The following NCKAP5 variants were observed in gnomAD, a reference collection of about 807,000 sequenced individuals.
The protein encoded by NCKAP5 is nck-associated protein 5.
Under a neutral mutation model 167.0 loss-of-function variants are expected in NCKAP5, and 92 were observed. That is an observed-to-expected ratio of 0.55 (90% CI 0.47 to 0.66). NCKAP5 has a LOEUF of 0.66. NCKAP5 is among the 30% of genes least tolerant of loss of function. The pLI, the probability that NCKAP5 is intolerant of heterozygous loss-of-function variation, is 0.00. For synonymous variants in NCKAP5, 891 were observed against 877.4 expected (o/e 1.02, Z -0.27); for missense variants, 2,378 against 2,315.0 (o/e 1.03, Z -0.56).
chr2:132,765,400 T>C (rs978812439), intron 16 of NCKAP5, among the ~76,000 whole-genome samples: 3 of 150,518 alleles, frequency 2.0e-5, no homozygotes, highest in Non-Finnish European at 4.4e-5. Flanking sequence ...CTGCAATCTC[T>C]GCCTCCGGGG....
At chr2:133,459,328 C>T (rs1692056585) in intron 3 of NCKAP5, among the ~76,000 whole-genome samples, 1 of 152,118 alleles carries the variant, frequency 6.6e-6, no homozygotes, top group African/African-American at 2.4e-5. Context: ...GTGTGAACCA[C>T]CACATTTCGC....
chr2:132,804,465 T>C (rs1685279009), intron 11 of NCKAP5, among the ~76,000 whole-genome samples: 1 of 152,246 alleles, frequency 6.6e-6, no homozygotes, highest in Non-Finnish European at 1.5e-5. Flanking sequence ...AGCTTTATTT[T>C]TGAAAAGTTC....
chr2:133,002,446 T>C (rs1465182646), intron 6 of NCKAP5, among the ~76,000 whole-genome samples: 1 of 152,210 alleles, frequency 6.6e-6, no homozygotes, highest in Non-Finnish European at 1.5e-5. Flanking sequence ...TCAAAATATC[T>C]TATTGTACGG....
chr2:133,644,486 T>C, the NCKAP5 span, among the ~76,000 whole-genome samples: 1 of 152,194 alleles, frequency 6.6e-6, no homozygotes, highest in Admixed American at 6.6e-5. Context: ...TCCAAACCTT[T>C]GTCCAGACAG....
chr2:133,471,768 T>C (rs1389839473), intron 3 of NCKAP5, among the ~76,000 whole-genome samples: 1 of 152,096 alleles, frequency 6.6e-6, no homozygotes, highest in Admixed American at 6.6e-5. Context: ...TCTCCCCTTG[T>C]CCTGACCAAA....
intron 6 of NCKAP5, among the ~76,000 whole-genome samples, chr2:133,068,402 T>C (rs2080272256): frequency 6.6e-6 from 1 of 152,224 alleles, no homozygotes; most frequent in Admixed American, 6.5e-5. Context: ...TGTATTTCTC[T>C]AGTCAAAAGA....
At chr2:133,385,005 G>C (rs977246543) in intron 3 of NCKAP5, among the ~76,000 whole-genome samples, 5 of 152,158 alleles carry the variant, frequency 3.3e-5, no homozygotes, top group Non-Finnish European at 5.9e-5. Flanking sequence ...GGGACAATTT[G>C]ACTTCCTGTT....
At chr2:133,003,800 C>T (rs977215519) in intron 6 of NCKAP5, among the ~76,000 whole-genome samples, 5 of 152,298 alleles carry the variant, frequency 3.3e-5, no homozygotes, top group East Asian at 1.9e-4. Flanking sequence ...ATAAACAGAT[C>T]GAAAGATGCT....
intron 3 of NCKAP5, among the ~76,000 whole-genome samples, chr2:133,422,582 A>G (rs886866107): frequency 6.6e-6 from 1 of 152,210 alleles, no homozygotes; most frequent in African/African-American, 2.4e-5. Flanking sequence ...TTCTCTGGTC[A>G]AAGGAATTAA....
In NCKAP5 at chr2:132,766,173, G is replaced by A. The variant is rs561787206; in HGVS notation, c.5128+7643C>T. ...TGCGTGTCTGCAATCCCAGCTACTC[G>A]GGAGGCTGAGGCAGGAGAATTGCTT... On this transcript the variant is annotated intron_variant, in intron 16 of 19. Coordinates refer to ENST00000409261, the MANE Select transcript of NCKAP5 (RefSeq NM_207363.3). Among the ~76,000 whole-genome samples the A allele has an allele frequency of 4.0e-5, 6 of 151,402 alleles. No homozygotes were observed. In the South Asian group the frequency reaches 8.4e-4, roughly 21 times the overall value.
intron 4 of NCKAP5, 73 bp from the exon 5 acceptor site, chr2:133,213,852 T>C (rs2086312610): frequency 6.9e-7 from 1 of 1,444,624 alleles, no homozygotes; most frequent in Non-Finnish European, 9.7e-7. Context: ...CCGTGAAACA[T>C]TCTTTTGAGG....
chr2:133,318,566 C>T (rs933498447), intron 3 of NCKAP5, among the ~76,000 whole-genome samples: 10 of 152,096 alleles, frequency 6.6e-5, no homozygotes, highest in African/African-American at 1.9e-4. Context: ...GTGGAGAATC[C>T]GATTCAGGAG....
chr2:133,171,772 T>C (rs564785226), intron 5 of NCKAP5, among the ~76,000 whole-genome samples: 1 of 152,232 alleles, frequency 6.6e-6, no homozygotes, highest in East Asian at 1.9e-4. Context: ...GGCTAAGTGG[T>C]GAAGAGATCC....
chr2:133,320,207 A>T (rs1019723184), intron 3 of NCKAP5, among the ~76,000 whole-genome samples: 7 of 152,202 alleles, frequency 4.6e-5, no homozygotes, highest in African/African-American at 1.7e-4. Flanking sequence ...CTATCATTTA[A>T]TATTTATCAG....
chr2:133,634,570 G>T, the NCKAP5 span, among the ~76,000 whole-genome samples: 1 of 152,228 alleles, frequency 6.6e-6, no homozygotes, highest in East Asian at 1.9e-4. Flanking sequence ...GCAAGCTAGG[G>T]TATCTTTGAT....
Position 132,738,134 on chromosome 2 carries a change from C to A in NCKAP5, c.5129-6083G>T, listed in dbSNP as rs1437653492. ...GCAACCAAAGCAAACAACTGACTCC[C>A]TTTTCTGTAGTTATTTTTCACATGA... is the stretch of plus-strand genomic sequence containing the variant. On this transcript the variant is annotated intron_variant, in intron 16 of 19. Transcript: ENST00000409261. Among the ~76,000 whole-genome samples the A allele has an allele frequency of 3.9e-5, 6 of 152,086 alleles. No individual in the cohort carries two copies. In the East Asian group the frequency reaches 1.2e-3, roughly 30 times the overall value.
intron 3 of NCKAP5, among the ~76,000 whole-genome samples, chr2:133,360,056 G>A (rs1042517022): frequency 5.3e-5 from 8 of 152,104 alleles, no homozygotes; most frequent in Middle Eastern, 3.4e-3. Context: ...TTGTCTGACC[G>A]CCCCACCACC....
chr2:133,376,028 G>T (rs762473724), intron 3 of NCKAP5, among the ~76,000 whole-genome samples: 7 of 152,148 alleles, frequency 4.6e-5, no homozygotes, highest in Non-Finnish European at 1.0e-4. Context: ...TGCCTGGCTA[G>T]GTGTACAGGA....
chr2:133,137,292 C>T (rs1483100236), intron 5 of NCKAP5, among the ~76,000 whole-genome samples: 1 of 151,970 alleles, frequency 6.6e-6, no homozygotes, highest in African/African-American at 2.4e-5. Flanking sequence ...GAATCAGAAT[C>T]AGATTTTGAG....
Sources: gnomAD v4.1 joint callset for allele counts (sites outside exome capture counted in the v4.1 genomes callset) on GRCh38, gnomAD v4.1.1 for gene constraint, MANE v1.5 for transcripts, NCBI Gene and HGNC (gene_info 2026-07-23, HGNC 2026-07-21) for gene names.